The following NUP210L variants were observed in gnomAD, a reference collection of about 807,000 sequenced individuals.
The protein encoded by NUP210L is nucleoporin 210 like.
Under a neutral mutation model 208.5 loss-of-function variants are expected in NUP210L, and 74 were observed. The ratio of observed to expected loss-of-function variants is 0.35; its 90% CI spans 0.29 to 0.43. The LOEUF is 0.43. Ranked by LOEUF, NUP210L falls within the 20% of genes least tolerant of loss-of-function variation. The pLI is 1.00. For synonymous variants in NUP210L, 780 were observed against 816.9 expected (o/e 0.95, Z 0.77); for missense variants, 1,843 against 2,289.4 (o/e 0.81, Z 3.98).
intron 32 of NUP210L, 115 bp downstream of exon 32, chr1:154,022,011 G>T: frequency 2.2e-6 from 2 of 923,722 alleles, no homozygotes; most frequent in Non-Finnish European, 1.7e-6. Flanking sequence ...CTGAGATTAT[G>T]GGTATAAACC....
chr1:154,120,529 T>C (rs774340298), intron 10 of NUP210L, among the ~76,000 whole-genome samples: 5 of 150,236 alleles, frequency 3.3e-5, no homozygotes, highest in Non-Finnish European at 5.9e-5. Context: ...CTAACGTAAA[T>C]GATAAGTTAA....
In NUP210L at chr1:154,124,167, A is replaced by C. The variant is rs578001782; in HGVS notation, c.1326+2156T>G. Among the ~76,000 whole-genome samples, 75 of 150,108 alleles carry C rather than the reference A, an allele frequency of 5.0e-4. 1 individual carries two copies. The highest frequency in any genetic ancestry group is 3.4e-3 in the Middle Eastern group (1 of 292). ...GCGCCACTGCGCTCCAGCCTGGGCA[A>C]CAGAGTGAGACTCCATCTCAAAAAG... On this transcript the variant is annotated intron_variant, in intron 10 of 39. Coordinates refer to ENST00000368559, the Ensembl canonical transcript of NUP210L.
chr1:154,084,507 C>T (rs774141097), intron 16 of NUP210L, among the ~76,000 whole-genome samples: 8 of 151,876 alleles, frequency 5.3e-5, no homozygotes, highest in South Asian at 4.2e-4. Context: ...CCACCGCACC[C>T]GGCCTTAAAT....
At chr1:154,012,416 T>A (rs1432739664) in intron 33 of NUP210L, 46 bp from the exon 34 acceptor site, 1 of 1,590,332 alleles carries the variant, frequency 6.3e-7, no homozygotes, top group Non-Finnish European at 8.6e-7. Flanking sequence ...TCCTAGAGAA[T>A]CTGACTCCTT....
rs1039926805 is a variant in NUP210L at position 154,054,892 on chromosome 1, C to T, written c.3241-60G>A. The T allele has an allele frequency of 1.5e-5, 18 of 1,214,054 alleles. No homozygotes were observed. The East Asian group carries it at 4.3e-4, about 29-fold the overall frequency. 75.2% of individuals were successfully genotyped at this position (1,214,054 alleles called of 1,614,324 possible). A position where few individuals can be genotyped will look rare whatever the true frequency, so the allele number is the denominator to read the frequency against. ...AACTAGAGTCAATTTTATAACATAT[C>T]ATGGTCATTTAAATTTTTTTTTTTT... On this transcript the variant is annotated intron_variant, in intron 23 of 39. Coordinates refer to ENST00000368559, the Ensembl canonical transcript of NUP210L.
At chr1:154,025,748 T>G (rs767007039) in intron 29 of NUP210L, 32 bp from the exon 30 acceptor site, 1 of 1,599,436 alleles carries the variant, frequency 6.3e-7, no homozygotes, top group Non-Finnish European at 8.5e-7. Flanking sequence ...TGGCATCTTT[T>G]TGGGGTCCTG....
chr1:153,995,916 A>G, intron 37 of NUP210L: 2 of 530,604 alleles, frequency 3.8e-6, no homozygotes, highest in Non-Finnish European at 7.3e-6. Context: ...GGAGCAGAAA[A>G]TTGTTGTGAA....
At chr1:154,154,579 G>A (rs977890354) in intron 1 of NUP210L, among the ~76,000 whole-genome samples, 3 of 152,114 alleles carry the variant, frequency 2.0e-5, no homozygotes, top group Non-Finnish European at 4.4e-5. Flanking sequence ...ACACAGAGAA[G>A]AGGCCAGTCC....
At chr1:154,086,347 A>C (rs1212126709) in intron 16 of NUP210L, among the ~76,000 whole-genome samples, 1 of 152,192 alleles carries the variant, frequency 6.6e-6, no homozygotes, top group Non-Finnish European at 1.5e-5. Context: ...AAGAGTTAAA[A>C]CTATAAAACT....
chr1:154,022,605 G>A (rs1466985150), intron 31 of NUP210L, among the ~76,000 whole-genome samples: 3 of 147,782 alleles, frequency 2.0e-5, no homozygotes, highest in Non-Finnish European at 3.0e-5. Context: ...TAGTGAATTA[G>A]AACTTGACAG....
intron 16 of NUP210L, 42 bp downstream of exon 16, chr1:154,089,379 T>G (rs2066135): frequency 1 from 1,555,843 of 1,555,848 alleles, 777,919 homozygotes; most frequent in Middle Eastern, 1. Context: ...AAGCACGGAA[T>G]ATAAAAGTGC....
intron 16 of NUP210L, among the ~76,000 whole-genome samples, chr1:154,085,386 A>G (rs1655575702): frequency 6.6e-6 from 1 of 151,824 alleles, no homozygotes; most frequent in Non-Finnish European, 1.5e-5. Flanking sequence ...TAAAGAAAAA[A>G]TTCCAATTAT....
At chr1:153,996,268 G>A (rs765710150) in intron 37 of NUP210L, among the ~76,000 whole-genome samples, 1 of 152,068 alleles carries the variant, frequency 6.6e-6, no homozygotes, top group Non-Finnish European at 1.5e-5. Context: ...CTCCAGCCTG[G>A]GTGACAGAGC....
At position 153,995,052 on chromosome 1, in the gene NUP210L, T is replaced by C. The variant is rs772012889; in HGVS notation, c.5491+24A>G. 8.5e-6 allele frequency: 12 copies of C among 1,417,368 alleles called. No individual in the cohort carries two copies. In the South Asian group the frequency reaches 1.2e-4, roughly 14 times the overall value. The allele number at this position is 1,417,368 out of a possible 1,614,324, so 87.8% of individuals were successfully genotyped here. On this transcript the variant is annotated intron_variant, in intron 38 of 39. Transcript: ENST00000368559. ...AAGGCAGTTTTCATGTCAAAGTCTA[T>C]GTTATTGAATATAAGGACTCTACCT...
intron 20 of NUP210L, 67 bp downstream of exon 20, chr1:154,060,473 T>A: frequency 4.1e-6 from 4 of 975,786 alleles, no homozygotes; most frequent in Non-Finnish European, 6.3e-6. Context: ...AAAATGGAAT[T>A]TTTCCAATCT....
chr1:154,060,857 G>C, intron 19 of NUP210L, 85 bp downstream of exon 19: 1 of 771,560 alleles, frequency 1.3e-6, no homozygotes, highest in South Asian at 2.0e-5. Flanking sequence ...CAACACATAA[G>C]TAAGTTTTTT....
intron 12 of NUP210L, among the ~76,000 whole-genome samples, chr1:154,117,124 AT>A (rs964050478): frequency 7.9e-5 from 12 of 152,084 alleles, no homozygotes; most frequent in African/African-American, 2.4e-4. Context: ...GCATTTCATC[AT>A]TTTTTTCCTC....
intron 37 of NUP210L, among the ~76,000 whole-genome samples, chr1:153,997,810 C>T (rs1571146892): frequency 6.6e-6 from 1 of 151,778 alleles, no homozygotes; most frequent in East Asian, 1.9e-4. Flanking sequence ...CTGCCTCAGC[C>T]TCCCGAGTAG....
chr1:154,008,197 G>A (rs1336253615), intron 35 of NUP210L, among the ~76,000 whole-genome samples: 3 of 151,946 alleles, frequency 2.0e-5, no homozygotes, highest in Non-Finnish European at 2.9e-5. Context: ...TCAATAAATT[G>A]AAGTCACAAA....
Sources: gnomAD v4.1 joint callset for allele counts (sites outside exome capture counted in the v4.1 genomes callset) on GRCh38, gnomAD v4.1.1 for gene constraint, MANE v1.5 for transcripts, NCBI Gene and HGNC (gene_info 2026-07-23, HGNC 2026-07-21) for gene names.